The following EPM2A variants were observed in gnomAD, a reference collection of about 807,000 sequenced individuals.
The protein encoded by EPM2A is EPM2A glucan phosphatase, laforin.
Under a neutral mutation model 26.5 loss-of-function variants are expected in EPM2A, and 21 were observed. That is an observed-to-expected ratio of 0.79 (90% confidence interval 0.56 to 1.14). The LOEUF (loss-of-function observed/expected upper bound fraction) is 1.14. EPM2A is among the 50% of genes most tolerant of loss of function. EPM2A has a pLI of 0.00. For missense variants in EPM2A, 458 were observed against 440.8 expected (o/e 1.04, Z -0.35); for synonymous variants, 217 against 177.6 (o/e 1.22, Z -1.76).
chr6:145,623,854 C>T (rs1048293885), downstream of EPM2A, among the ~76,000 whole-genome samples: 8 of 152,142 alleles, frequency 5.3e-5, no homozygotes, highest in Admixed American at 1.3e-4. Flanking sequence ...GATGCTTTAA[C>T]AGAATTTCTG....
rs76472713 is a variant in EPM2A at position 145,511,402 on chromosome 6, C to T, written c.341-8827G>A. Among the ~76,000 whole-genome samples, 13 of 152,260 alleles carry T rather than the reference C, an allele frequency of 8.5e-5. No individual in the cohort carries two copies. The East Asian group carries it at 1.5e-3, about 18-fold the overall frequency. ...TTGAGCAGCACATCAAAAAATAATT[C>T]GCCATCATCAAGTGGGCTTTATTCC... On this transcript the variant is annotated intron_variant, in intron 2 of 3. Transcript: ENST00000450221.
chr6:145,635,114 A>ATG, intron 3 of EPM2A, 131 bp downstream of exon 3: 1 of 1,042,264 alleles, frequency 9.6e-7, no homozygotes, highest in Non-Finnish European at 1.4e-6. Context: ...TATTATATAT[A>ATG]TTAAATCTAA....
At chr6:145,528,741 C>T (rs1478676558) in intron 2 of EPM2A, among the ~76,000 whole-genome samples, 1 of 152,126 alleles carries the variant, frequency 6.6e-6, no homozygotes, top group East Asian at 1.9e-4. Flanking sequence ...CAAGGAGTAA[C>T]TTTAACTTTC....
intron 1 of EPM2A, among the ~76,000 whole-genome samples, chr6:145,702,144 T>C (rs535168238): frequency 1.9e-4 from 29 of 152,296 alleles, no homozygotes; most frequent in Admixed American, 3.9e-4. Context: ...ACTTCCCTAT[T>C]CATTCTTCAG....
At chr6:145,600,360 C>T (rs1384991862) in intron 2 of EPM2A, among the ~76,000 whole-genome samples, 1 of 152,192 alleles carries the variant, frequency 6.6e-6, no homozygotes, top group Admixed American at 6.5e-5. Context: ...GGATTCCCTA[C>T]ATACAATGAT....
At chr6:145,481,535 TA>T (rs1779611202) in intron 4 of EPM2A, among the ~76,000 whole-genome samples, 2 of 152,096 alleles carry the variant, frequency 1.3e-5, no homozygotes, top group African/African-American at 4.8e-5. Context: ...CTAATTGTTA[TA>T]GTTAACTATA....
At chr6:145,426,834 G>T (rs1778859910) in intron 4 of EPM2A, among the ~76,000 whole-genome samples, 1 of 152,100 alleles carries the variant, frequency 6.6e-6, no homozygotes. Flanking sequence ...TGACTTCAAA[G>T]AGACTGTATT....
At chr6:145,663,638 C>T (rs557609891) in intron 2 of EPM2A, among the ~76,000 whole-genome samples, 2 of 150,182 alleles carry the variant, frequency 1.3e-5, no homozygotes, top group African/African-American at 2.4e-5. Flanking sequence ...GGTAGGCCAA[C>T]GTTCAGATTC....
intron 2 of EPM2A, among the ~76,000 whole-genome samples, chr6:145,543,616 ATATT>A (rs1374541546): frequency 1.3e-5 from 2 of 152,198 alleles, no homozygotes; most frequent in Non-Finnish European, 2.9e-5. Flanking sequence ...TATTTGTTTT[ATATT>A]TAGTTTTTCA....
At chr6:145,490,441 C>A in intron 4 of EPM2A, 1 of 743,792 alleles carries the variant, frequency 1.3e-6, no homozygotes, top group Non-Finnish European at 2.4e-6. Flanking sequence ...ACAATTTGGA[C>A]ATTCAAAAGG....
At chr6:145,407,343 G>A (rs907730941) in intron 4 of EPM2A, among the ~76,000 whole-genome samples, 1 of 152,092 alleles carries the variant, frequency 6.6e-6, no homozygotes, top group Non-Finnish European at 1.5e-5. Context: ...CATAATATGA[G>A]CTCTGGACCT....
chr6:145,458,693 A>T (rs890137816), intron 4 of EPM2A, among the ~76,000 whole-genome samples: 1 of 152,096 alleles, frequency 6.6e-6, no homozygotes, highest in Admixed American at 6.6e-5. Flanking sequence ...TGTCCAACCT[A>T]GTCAGAGCAC....
chr6:145,555,039 A>G (rs930538844), intron 2 of EPM2A, among the ~76,000 whole-genome samples: 4 of 152,136 alleles, frequency 2.6e-5, no homozygotes, highest in African/African-American at 4.8e-5. Flanking sequence ...TGTAAATTAC[A>G]TCAACTTATC....
chr6:145,657,485 C>T (rs1262695835), intron 2 of EPM2A, among the ~76,000 whole-genome samples: 4 of 152,292 alleles, frequency 2.6e-5, no homozygotes, highest in African/African-American at 7.2e-5. Flanking sequence ...TCCTATTTAA[C>T]TGACAGGATT....
chr6:145,480,574 T>C (rs929279314), intron 4 of EPM2A, among the ~76,000 whole-genome samples: 1 of 152,154 alleles, frequency 6.6e-6, no homozygotes, highest in Non-Finnish European at 1.5e-5. Context: ...TTCGATTTCT[T>C]CACAATGTCC....
intron 4 of EPM2A, among the ~76,000 whole-genome samples, chr6:145,398,697 CA>C (rs911219647): frequency 1.3e-5 from 2 of 151,872 alleles, no homozygotes; most frequent in Non-Finnish European, 2.9e-5. Context: ...CCATCTCTAC[CA>C]AAAACACAAA....
intron 4 of EPM2A, among the ~76,000 whole-genome samples, chr6:145,432,791 A>T (rs1412713133): frequency 6.6e-6 from 1 of 152,220 alleles, no homozygotes; most frequent in African/African-American, 2.4e-5. Context: ...CTACATTGAA[A>T]ATATGTTTTC....
At chr6:145,568,395 C>T (rs554072099) in intron 2 of EPM2A, among the ~76,000 whole-genome samples, 262 of 151,448 alleles carry the variant, frequency 1.7e-3, no homozygotes, top group African/African-American at 5.8e-3. Flanking sequence ...TCTCTGCTCA[C>T]TGCAGCCTCT....
At chr6:145,553,241 C>T (rs908776096) in intron 2 of EPM2A, among the ~76,000 whole-genome samples, 4 of 152,120 alleles carry the variant, frequency 2.6e-5, no homozygotes, top group South Asian at 2.1e-4. Flanking sequence ...TCTCACCAGC[C>T]GTGCATAATC....
Sources: allele counts gnomAD v4.1 joint callset (sites outside exome capture counted in the v4.1 genomes callset), GRCh38; gene constraint gnomAD v4.1.1; transcripts MANE v1.5; gene names NCBI Gene and HGNC (gene_info 2026-07-23, HGNC 2026-07-21).